The following ZFAT variants were observed in gnomAD, a reference collection of about 807,000 sequenced individuals.
ZFAT encodes the protein zinc finger protein ZFAT.
A neutral mutation model predicts 117.7 loss-of-function variants in ZFAT; 64 were observed. That is an observed-to-expected ratio of 0.54 (90% CI 0.44 to 0.67). The LOEUF is 0.67. Ranked by LOEUF, ZFAT falls within the 30% of genes least tolerant of loss-of-function variation. The pLI is 0.00. For synonymous variants in ZFAT, 679 were observed against 615.0 expected (o/e 1.10, Z -1.54); for missense variants, 1,433 against 1,584.5 (o/e 0.90, Z 1.62).
At chr8:134,784,358 T>A in the ZFAT span, 1 of 152,334 alleles carries the variant, frequency 6.6e-6, no homozygotes, top group African/African-American at 2.4e-5. Context: ...ATATGCCATA[T>A]ATTAATGACA....
chr8:134,672,236 C>T (rs1471294837), intron 1 of ZFAT, among the ~76,000 whole-genome samples: 2 of 152,168 alleles, frequency 1.3e-5, no homozygotes, highest in Non-Finnish European at 2.9e-5. Context: ...ACTTTCTTCA[C>T]AGAATTGGAA....
chr8:134,739,230 A>G, the ZFAT span, among the ~76,000 whole-genome samples: 18 of 152,276 alleles, frequency 1.2e-4, no homozygotes, highest in East Asian at 3.5e-3. Flanking sequence ...CACCAGCCCA[A>G]AAGAAAAAAC....
At chr8:134,493,739 C>T (rs1818224318) in intron 15 of ZFAT, among the ~76,000 whole-genome samples, 1 of 152,282 alleles carries the variant, frequency 6.6e-6, no homozygotes, top group South Asian at 2.1e-4. Flanking sequence ...TCTGCTGCCC[C>T]CTTCCCTCCC....
the ZFAT span, among the ~76,000 whole-genome samples, chr8:134,817,777 G>C: frequency 6.6e-6 from 1 of 152,138 alleles, no homozygotes; most frequent in African/African-American, 2.4e-5. Context: ...AAGACTACAT[G>C]ATTTCAACAC....
At chr8:134,824,570 T>C in the ZFAT span, among the ~76,000 whole-genome samples, 4 of 152,234 alleles carry the variant, frequency 2.6e-5, no homozygotes, top group African/African-American at 9.6e-5. Context: ...AGTTTCAAAA[T>C]CACTGCTTTA....
At chr8:134,697,953 A>G (rs1833913870) in intron 1 of ZFAT, among the ~76,000 whole-genome samples, 1 of 151,622 alleles carries the variant, frequency 6.6e-6, no homozygotes, top group Admixed American at 6.6e-5. Flanking sequence ...CTACCTGCTC[A>G]GACTGCACAC....
intron 1 of ZFAT, among the ~76,000 whole-genome samples, chr8:134,671,856 C>T (rs558029821): frequency 5.9e-4 from 90 of 152,336 alleles, no homozygotes; most frequent in African/African-American, 2.0e-3. Flanking sequence ...TAGAAAACCC[C>T]ATTGTCTCAG....
At chr8:134,707,575 G>A (rs1834184316) in intron 1 of ZFAT, among the ~76,000 whole-genome samples, 1 of 152,114 alleles carries the variant, frequency 6.6e-6, no homozygotes, top group Non-Finnish European at 1.5e-5. Context: ...AAGTCTTGGG[G>A]CTGAATTAAA....
chr8:134,573,778 ATGAG>A (rs747884029), intron 10 of ZFAT, among the ~76,000 whole-genome samples: 7 of 152,218 alleles, frequency 4.6e-5, no homozygotes, highest in Admixed American at 6.5e-5. Context: ...TTGCCTAAGC[ATGAG>A]TGCTGGGACT....
chr8:134,498,220 C>T (rs1356181193), intron 15 of ZFAT, among the ~76,000 whole-genome samples: 1 of 96,202 alleles, frequency 1.0e-5, no homozygotes, highest in Non-Finnish European at 2.2e-5. Flanking sequence ...AGCTGGGATG[C>T]CCCCGTTGCT....
At chr8:134,575,876 C>A (rs577020538) in intron 10 of ZFAT, among the ~76,000 whole-genome samples, 3 of 152,266 alleles carry the variant, frequency 2.0e-5, no homozygotes, top group African/African-American at 7.2e-5. Context: ...AGTGGCAAAT[C>A]GAACAGAAAT....
chr8:134,661,217 C>T (rs1045505560), intron 1 of ZFAT, among the ~76,000 whole-genome samples: 7 of 152,194 alleles, frequency 4.6e-5, no homozygotes, highest in Admixed American at 3.9e-4. Flanking sequence ...CATGCAGGCT[C>T]AGGGAGGAAA....
chr8:134,662,811 A>C (rs1248944087), intron 1 of ZFAT, among the ~76,000 whole-genome samples: 1 of 152,248 alleles, frequency 6.6e-6, no homozygotes, highest in Non-Finnish European at 1.5e-5. Flanking sequence ...AAAAGGCCAG[A>C]GGGGAGGCAG....
chr8:134,533,573 T>C (rs927675436), intron 11 of ZFAT, among the ~76,000 whole-genome samples: 8 of 152,256 alleles, frequency 5.3e-5, no homozygotes, highest in African/African-American at 1.7e-4. Context: ...CGTCACTGTA[T>C]TTGCTTCTTT....
intron 3 of ZFAT, among the ~76,000 whole-genome samples, chr8:134,620,499 C>A (rs1314152565): frequency 6.6e-6 from 1 of 152,240 alleles, no homozygotes; most frequent in Non-Finnish European, 1.5e-5. Context: ...GTGTGCCCAG[C>A]TCTTCCAGCT....
intron 2 of ZFAT, among the ~76,000 whole-genome samples, chr8:134,638,858 G>C (rs1218267551): frequency 6.6e-6 from 1 of 152,248 alleles, no homozygotes; most frequent in East Asian, 1.9e-4. Flanking sequence ...CAAGCAGAGA[G>C]CCGCCAGCAG....
At chr8:134,534,710 G>A (rs1314639411) in intron 11 of ZFAT, among the ~76,000 whole-genome samples, 1 of 147,448 alleles carries the variant, frequency 6.8e-6, no homozygotes, top group African/African-American at 2.5e-5. Flanking sequence ...AAGAGACGGG[G>A]AGAGGGACAG....
At chr8:134,496,956 G>A (rs1433711566) in intron 15 of ZFAT, among the ~76,000 whole-genome samples, 2 of 152,242 alleles carry the variant, frequency 1.3e-5, no homozygotes, top group African/African-American at 2.4e-5. Flanking sequence ...GTGTCCTAAC[G>A]GGCAGGGGTT....
chr8:134,609,216 G>A (rs1828138742), intron 4 of ZFAT, among the ~76,000 whole-genome samples: 1 of 151,628 alleles, frequency 6.6e-6, no homozygotes, highest in African/African-American at 2.4e-5. Flanking sequence ...TACTTGCAAG[G>A]TTTTATATAG....
Sources: gnomAD v4.1 joint callset for allele counts (sites outside exome capture counted in the v4.1 genomes callset) on GRCh38, gnomAD v4.1.1 for gene constraint, MANE v1.5 for transcripts, NCBI Gene and HGNC (gene_info 2026-07-23, HGNC 2026-07-21) for gene names.